The following SPTLC2 variants were observed in gnomAD, a reference collection of about 807,000 sequenced individuals.
SPTLC2 encodes serine palmitoyltransferase 2.
A neutral mutation model predicts 62.0 loss-of-function variants in SPTLC2; 21 were observed. The observed-to-expected ratio is 0.34, with a 90% CI of 0.24 to 0.49. SPTLC2 has a LOEUF of 0.49. Among genes scored for constraint, SPTLC2 ranks in the 20% least tolerant of loss-of-function variants. SPTLC2 has a pLI of 0.99. For synonymous variants in SPTLC2, 261 were observed against 261.8 expected (o/e 1.00, Z 0.03); for missense variants, 511 against 713.0 (o/e 0.72, Z 3.23).
At chr14:77,553,448 C>G (rs2079565801) in intron 8 of SPTLC2, among the ~76,000 whole-genome samples, 1 of 152,036 alleles carries the variant, frequency 6.6e-6, no homozygotes, top group Non-Finnish European at 1.5e-5. Context: ...TCTATCAAAC[C>G]TGGCCAGGTG....
chr14:77,540,205 C>CAAAAAA (rs34847653), intron 9 of SPTLC2, among the ~76,000 whole-genome samples: 5 of 87,712 alleles, frequency 5.7e-5, no homozygotes, highest in Non-Finnish European at 6.8e-5. Context: ...ACTCTTGTCT[C>CAAAAAA]AAAAAAAAAA....
chr14:77,547,970 T>G, intron 9 of SPTLC2: 1 of 148,512 alleles, frequency 6.7e-6, no homozygotes, highest in East Asian at 2.0e-4. Flanking sequence ...AACACCTAAT[T>G]AACAAGTCTA....
rs575610089 is a variant in SPTLC2 at position 77,528,201 on chromosome 14, T to C, written c.1304-6620A>G. On this transcript the variant is annotated intron_variant, in intron 9 of 11. Transcript: ENST00000216484. Reference sequence around the variant, plus strand: ...TTAATTACAGTGCACTGAAAGAATTTGAAATTGAAGAACTTCCCCACCCCT... The same window carrying C: ...TTAATTACAGTGCACTGAAAGAATTCGAAATTGAAGAACTTCCCCACCCCT... Among the ~76,000 whole-genome samples the C allele has an allele frequency of 3.0e-4, 45 of 152,282 alleles. 1 individual carries two copies. The East Asian group carries it at 7.1e-3, about 24-fold the overall frequency.
At position 77,506,282 on chromosome 14, in the gene SPTLC2, G is replaced by C. The variant is rs933989395; in HGVS notation, c.*6002C>G. 8 of 152,212 alleles carry C rather than the reference G, an allele frequency of 5.3e-5. No individual in the cohort carries two copies. Among genetic ancestry groups the C allele is most frequent in the African/African-American group, 1.9e-4 (8 of 41,446 alleles). 9.4% of individuals were successfully genotyped at this position (152,212 alleles called of 1,614,324 possible). The stretch of plus-strand genomic sequence containing the variant: ...CACATCCCCTTCTCTCAGTTTCCCA[G>C]GTTATATGAACATTACAGCAATAGA... On this transcript the variant is annotated 3_prime_UTR_variant, in exon 12 of 12. Coordinates refer to ENST00000216484, the MANE Select transcript of SPTLC2 (RefSeq NM_004863.4).
intron 9 of SPTLC2, among the ~76,000 whole-genome samples, chr14:77,546,932 G>A (rs1249993277): frequency 6.6e-6 from 1 of 152,192 alleles, no homozygotes; most frequent in African/African-American, 2.4e-5. Context: ...GCTTCTCCAT[G>A]TTGGTCAGGC....
chr14:77,609,364 T>C (rs2140065694), intron 1 of SPTLC2, among the ~76,000 whole-genome samples: 1 of 152,294 alleles, frequency 6.6e-6, no homozygotes, highest in Non-Finnish European at 1.5e-5. Flanking sequence ...CTGAATAATA[T>C]CCTTTTATAT....
chr14:77,542,062 G>GAAA (rs1393706999), intron 9 of SPTLC2, among the ~76,000 whole-genome samples: 3 of 105,550 alleles, frequency 2.8e-5, no homozygotes, highest in Non-Finnish European at 5.8e-5. Flanking sequence ...CTCTGTGTCC[G>GAAA]GAAAAAAAAA....
chr14:77,577,514 A>G (rs936361422), intron 3 of SPTLC2, among the ~76,000 whole-genome samples: 6 of 152,228 alleles, frequency 3.9e-5, no homozygotes, highest in African/African-American at 1.2e-4. Context: ...GCACATGTAT[A>G]CTGTAAAATA....
Position 77,511,665 on chromosome 14 carries a change from G to A in SPTLC2, c.*619C>T, listed in dbSNP as rs969309266. 1 of 156,114 alleles carries A rather than the reference G, an allele frequency of 6.4e-6. No homozygotes were observed. Among genetic ancestry groups the A allele is most frequent in the South Asian group, 2.0e-4 (1 of 5,118 alleles). 9.7% of individuals were successfully genotyped at this position (156,114 alleles called of 1,614,324 possible). On this transcript the variant is annotated 3_prime_UTR_variant, in exon 12 of 12. Coordinates refer to ENST00000216484, the MANE Select transcript of SPTLC2 (RefSeq NM_004863.4). ...AATCATCTGGTGACCAGAAGAAAAT[G>A]GAATAAGACCAAACCCTTGGGAGAT...
At chr14:77,598,950 T>C (rs1170749238) in intron 1 of SPTLC2, among the ~76,000 whole-genome samples, 1 of 151,192 alleles carries the variant, frequency 6.6e-6, no homozygotes, top group African/African-American at 2.4e-5. Context: ...GGCCCAGCAT[T>C]ATATAAAAGT....
At chr14:77,537,096 G>T (rs1566772915) in intron 9 of SPTLC2, among the ~76,000 whole-genome samples, 1 of 151,708 alleles carries the variant, frequency 6.6e-6, no homozygotes, top group Non-Finnish European at 1.5e-5. Flanking sequence ...CTAATTTTTG[G>T]AATTTTAGTA....
intron 2 of SPTLC2, among the ~76,000 whole-genome samples, chr14:77,583,093 G>A (rs2079761176): frequency 6.6e-6 from 1 of 151,988 alleles, no homozygotes; most frequent in Admixed American, 6.6e-5. Flanking sequence ...CCAGCAACGT[G>A]GGAGGCTGAG....
At chr14:77,534,869 A>G (rs566565027) in intron 9 of SPTLC2, among the ~76,000 whole-genome samples, 80 of 152,314 alleles carry the variant, frequency 5.3e-4, no homozygotes, top group Non-Finnish European at 9.3e-4. Flanking sequence ...GATGGACAAC[A>G]AACAAAATTA....
At chr14:77,539,007 G>GGAT (rs927731522) in intron 9 of SPTLC2, among the ~76,000 whole-genome samples, 24 of 151,466 alleles carry the variant, frequency 1.6e-4, no homozygotes, top group African/African-American at 4.9e-4. Context: ...ATGGCAATGG[G>GGAT]GATGATGATG....
intron 9 of SPTLC2, among the ~76,000 whole-genome samples, chr14:77,533,404 G>C (rs1314296557): frequency 6.6e-6 from 1 of 152,026 alleles, no homozygotes; most frequent in African/African-American, 2.4e-5. Flanking sequence ...TGCTCTCTAG[G>C]ATGACTGGAA....
chr14:77,525,737 C>A (rs371679912), intron 9 of SPTLC2, among the ~76,000 whole-genome samples: 4 of 151,878 alleles, frequency 2.6e-5, no homozygotes, highest in Admixed American at 2.0e-4. Flanking sequence ...GGTGAAACCC[C>A]GTCTCTACTA....
Position 77,611,416 on chromosome 14 carries a change from C to T in SPTLC2, c.132+5032G>A, listed in dbSNP as rs141135246. ...AAGTTGAGGCCGCAGTAAGCTATGACTGTGCTACTGCAGGCCAGGCTGGAG... is the reference window on the plus strand; with the variant it reads ...AAGTTGAGGCCGCAGTAAGCTATGATTGTGCTACTGCAGGCCAGGCTGGAG... On this transcript the variant is annotated intron_variant, in intron 1 of 11. Coordinates refer to ENST00000216484, the MANE Select transcript of SPTLC2 (RefSeq NM_004863.4). 6.1e-3 allele frequency among the ~76,000 whole-genome samples: 841 copies of T among 137,020 alleles called. 11 individuals are homozygous for T. The highest frequency in any genetic ancestry group is 0.022 in the African/African-American group (795 of 36,320). The allele number at this position is 137,020 out of a possible 152,430, so 89.9% of individuals were successfully genotyped here.
At chr14:77,613,117 T>C (rs2079946909) in intron 1 of SPTLC2, among the ~76,000 whole-genome samples, 1 of 152,194 alleles carries the variant, frequency 6.6e-6, no homozygotes, top group Non-Finnish European at 1.5e-5. Context: ...ATGGCATTTA[T>C]TTCATCAAAT....
At chr14:77,523,088 A>G (rs928340157) in intron 9 of SPTLC2, among the ~76,000 whole-genome samples, 2 of 152,224 alleles carry the variant, frequency 1.3e-5, no homozygotes, top group African/African-American at 4.8e-5. Flanking sequence ...CAAAGAAGAA[A>G]GCAGACATTA....
Sources: gnomAD v4.1 joint callset for allele counts (sites outside exome capture counted in the v4.1 genomes callset) on GRCh38, gnomAD v4.1.1 for gene constraint, MANE v1.5 for transcripts, NCBI Gene and HGNC (gene_info 2026-07-23, HGNC 2026-07-21) for gene names.